The following RBFOX1 variants were observed in gnomAD, a reference collection of about 807,000 sequenced individuals.
RBFOX1 encodes the protein RNA binding protein fox-1 homolog 1.
Under a neutral mutation model 57.7 loss-of-function variants are expected in RBFOX1, and 8 were observed. That is an observed-to-expected ratio of 0.14 (90% CI 0.08 to 0.25). The LOEUF (loss-of-function observed/expected upper bound fraction) is 0.25, where lower values mean the gene tolerates loss of function less well. RBFOX1 is among the 10% of genes least tolerant of loss of function. The pLI is 1.00. For missense variants in RBFOX1, 611 were observed against 548.5 expected (o/e 1.11, Z -1.14); for synonymous variants, 326 against 222.4 (o/e 1.47, Z -4.15).
At chr16:5,958,761 C>G (rs1381682537) in intron 4 of RBFOX1, among the ~76,000 whole-genome samples, 2 of 152,162 alleles carry the variant, frequency 1.3e-5, no homozygotes, top group Non-Finnish European at 2.9e-5. Context: ...CTTGCCTTGT[C>G]TAGCTTCTGG....
chr16:5,416,669 A>G (rs1305363385), intron 1 of RBFOX1, among the ~76,000 whole-genome samples: 2 of 149,904 alleles, frequency 1.3e-5, no homozygotes, highest in Admixed American at 6.6e-5. Context: ...TGTTCCCTGT[A>G]TGTAATGTGT....
intron 3 of RBFOX1, among the ~76,000 whole-genome samples, chr16:6,854,087 G>A (rs988963226): frequency 6.6e-6 from 1 of 152,174 alleles, no homozygotes; most frequent in African/African-American, 2.4e-5. Flanking sequence ...TTAAAGCTGA[G>A]TGTGATAATG....
At chr16:7,251,830 G>A (rs778559002) in intron 4 of RBFOX1, among the ~76,000 whole-genome samples, 8 of 152,180 alleles carry the variant, frequency 5.3e-5, no homozygotes, top group South Asian at 2.1e-4. Flanking sequence ...TACTGATTTC[G>A]TTTCCTTTGG....
At chr16:6,915,988 A>G (rs1597126420) in intron 3 of RBFOX1, among the ~76,000 whole-genome samples, 1 of 148,606 alleles carries the variant, frequency 6.7e-6, no homozygotes, top group South Asian at 2.2e-4. Context: ...GTTTGACATT[A>G]AAAGCTGTTT....
intron 11 of RBFOX1, among the ~76,000 whole-genome samples, chr16:7,637,022 A>G: frequency 6.6e-6 from 1 of 152,148 alleles, no homozygotes; most frequent in Non-Finnish European, 1.5e-5. Context: ...AGTGGAGAGG[A>G]CATAATTTAG....
chr16:5,834,264 C>A (rs1326004024), intron 3 of RBFOX1, among the ~76,000 whole-genome samples: 1 of 152,168 alleles, frequency 6.6e-6, no homozygotes, highest in Non-Finnish European at 1.5e-5. Flanking sequence ...TTCATGCCCC[C>A]TTCTGAGTCT....
At chr16:5,703,219 A>T (rs1387544888) in intron 3 of RBFOX1, among the ~76,000 whole-genome samples, 1 of 152,238 alleles carries the variant, frequency 6.6e-6, no homozygotes, top group East Asian at 1.9e-4. Context: ...GTATTACAGG[A>T]CACATAACAC....
chr16:6,053,690 T>G (rs1006123717), intron 1 of RBFOX1, among the ~76,000 whole-genome samples: 1 of 152,196 alleles, frequency 6.6e-6, no homozygotes, highest in Admixed American at 6.5e-5. Context: ...CCTACGTACA[T>G]AAGAGATCTT....
At chr16:7,221,561 C>T (rs1012024822) in intron 4 of RBFOX1, among the ~76,000 whole-genome samples, 27 of 151,980 alleles carry the variant, frequency 1.8e-4, no homozygotes, top group Non-Finnish European at 3.1e-4. Flanking sequence ...GAGAAGGGGT[C>T]GCACCATGTT....
At chr16:7,558,114 G>C (rs1024960670) in intron 5 of RBFOX1, among the ~76,000 whole-genome samples, 8 of 152,038 alleles carry the variant, frequency 5.3e-5, no homozygotes, top group Non-Finnish European at 1.0e-4. Flanking sequence ...CAGCACTTTG[G>C]GGGGCCGAGG....
chr16:5,467,103 A>G, intron 1 of RBFOX1: 2 of 1,235,438 alleles, frequency 1.6e-6, no homozygotes, highest in East Asian at 5.2e-5. Context: ...ATGAATGAAT[A>G]AAACATTCTT....
chr16:6,198,645 G>T (rs953553386), intron 1 of RBFOX1, among the ~76,000 whole-genome samples: 1 of 152,180 alleles, frequency 6.6e-6, no homozygotes, highest in African/African-American at 2.4e-5. Flanking sequence ...GAATTTGGCA[G>T]GTAGAGGGGT....
At chr16:7,094,727 A>T (rs1252934807) in intron 4 of RBFOX1, among the ~76,000 whole-genome samples, 2 of 130,798 alleles carry the variant, frequency 1.5e-5, no homozygotes, top group African/African-American at 2.7e-5. Context: ...GAACTGAAAT[A>T]AGGGCAGACT....
chr16:5,435,055 A>G (rs996641306), intron 1 of RBFOX1, among the ~76,000 whole-genome samples: 1 of 152,226 alleles, frequency 6.6e-6, no homozygotes, highest in African/African-American at 2.4e-5. Flanking sequence ...TAAAAATTGC[A>G]AAAGCAGTAA....
chr16:6,931,140 A>G (rs1253551788), intron 3 of RBFOX1, among the ~76,000 whole-genome samples: 2 of 152,116 alleles, frequency 1.3e-5, no homozygotes, highest in Non-Finnish European at 2.9e-5. Flanking sequence ...GTTTTAAGAA[A>G]AATTCAGAAC....
At chr16:5,844,489 G>T (rs2056702210) in intron 3 of RBFOX1, among the ~76,000 whole-genome samples, 1 of 152,138 alleles carries the variant, frequency 6.6e-6, no homozygotes, top group African/African-American at 2.4e-5. Context: ...CCTGACATCT[G>T]ATAAATTCAC....
intron 3 of RBFOX1, among the ~76,000 whole-genome samples, chr16:6,897,541 C>A (rs753204414): frequency 6.6e-6 from 1 of 152,224 alleles, no homozygotes; most frequent in Non-Finnish European, 1.5e-5. Flanking sequence ...CGCCTGTAAT[C>A]CCAACACTTT....
At chr16:7,405,761 G>T (rs894094235) in intron 4 of RBFOX1, among the ~76,000 whole-genome samples, 4 of 152,126 alleles carry the variant, frequency 2.6e-5, no homozygotes, top group Non-Finnish European at 5.9e-5. Context: ...GGGGTTCTCA[G>T]TGCTAGGGTT....
chr16:7,365,751 A>C (rs578007796), intron 4 of RBFOX1, among the ~76,000 whole-genome samples: 2 of 152,230 alleles, frequency 1.3e-5, no homozygotes, highest in Non-Finnish European at 2.9e-5. Context: ...ACCCTGTTTT[A>C]GTAAGAGATG....
Sources: gnomAD v4.1 joint callset for allele counts (sites outside exome capture counted in the v4.1 genomes callset) on GRCh38, gnomAD v4.1.1 for gene constraint, MANE v1.5 for transcripts, NCBI Gene and HGNC (gene_info 2026-07-23, HGNC 2026-07-21) for gene names.